The following CACNA1I variants were observed in gnomAD, a reference collection of about 807,000 sequenced individuals.
The protein encoded by CACNA1I is calcium voltage-gated channel subunit alpha1 I, also known as voltage-dependent T-type calcium channel subunit alpha-1I.
CACNA1I carries 74 observed loss-of-function variants against 201.6 expected under a neutral mutation model. The observed-to-expected ratio is 0.37, with a 90% CI of 0.30 to 0.45. CACNA1I has a LOEUF of 0.45. Ranked by LOEUF, CACNA1I falls within the 20% of genes least tolerant of loss-of-function variation. The pLI is 1.00. For missense variants in CACNA1I, 2,346 were observed against 3,138.1 expected, an observed-to-expected ratio of 0.75 and a Z score of 6.03; for synonymous variants, 1,431 against 1,345.2, an observed-to-expected ratio of 1.06 and a Z score of -1.40.
rs1269075111 is a variant in CACNA1I, at chr22:39,677,480, G to C, written c.4933+61G>C. 4.1e-6 allele frequency: 5 copies of C among 1,221,580 alleles called. No individual in the cohort carries two copies. The East Asian group carries it at 1.3e-4, about 32-fold the overall frequency. The allele number at this position is 1,221,580 out of a possible 1,614,324, so 75.7% of individuals were successfully genotyped here. ...GCAGCAGGGCTGCAGGAGGAACTGG[G>C]GGGGCGGGGGAGGCCTGAGACCCCT... is the stretch of plus-strand genomic sequence containing the variant. On this transcript the variant is annotated intron_variant, in intron 30 of 36. Coordinates refer to ENST00000402142, the MANE Select transcript of CACNA1I (RefSeq NM_021096.4). This position sits in a 1 kb window ranked among gnomAD's most constrained non-coding sequence, Gnocchi z 4.8.
chr22:39,676,828 C>G lies in CACNA1I; in HGVS notation c.4855-513C>G, dbSNP rs188224289. ...TTTCGTAGAGGAGCTAGTGTTAGAGCTGAGACCTCCTGCCTTCTCCCTTCC... is the reference window on the plus strand; with the variant it reads ...TTTCGTAGAGGAGCTAGTGTTAGAGGTGAGACCTCCTGCCTTCTCCCTTCC... On this transcript the variant is annotated intron_variant, in intron 29 of 36. Transcript: ENST00000402142. The surrounding 1 kb of genome is among the most constrained non-coding windows in gnomAD (Gnocchi z 4.8). 2.6e-5 allele frequency among the ~76,000 whole-genome samples: 4 copies of G among 152,350 alleles called. No individual in the cohort carries two copies. The highest frequency in any genetic ancestry group is 1.5e-5 in the Non-Finnish European group (1 of 68,036).
intron 4 of CACNA1I, among the ~76,000 whole-genome samples, chr22:39,622,691 G>A (rs1418438703): frequency 1.3e-5 from 2 of 151,730 alleles, no homozygotes; most frequent in Admixed American, 1.3e-4. Context: ...GGGCAGGGGT[G>A]GGGGTGGGAT....
rs773800583 is a variant in CACNA1I at position 39,665,667 on chromosome 22, G to C, written c.3978+43G>C. Reference sequence around the variant, plus strand: ...TGGGCAGGGACTGGGCTCTGTGACTGGGGAAAAGGAAGTCTCAGACAGCCA... The same window carrying C: ...TGGGCAGGGACTGGGCTCTGTGACTCGGGAAAAGGAAGTCTCAGACAGCCA... On this transcript the variant is annotated intron_variant, in intron 22 of 36. Transcript: ENST00000402142. The surrounding 1 kb of genome is among the most constrained non-coding windows in gnomAD (Gnocchi z 5.5). 6.2e-7 allele frequency: 1 copy of C among 1,601,022 alleles called. No homozygotes were observed. The highest frequency in any genetic ancestry group is 1.1e-5 in the South Asian group (1 of 90,448).
chr22:39,578,922 C>T (rs1005837492), intron 1 of CACNA1I, among the ~76,000 whole-genome samples: 1 of 152,182 alleles, frequency 6.6e-6, no homozygotes, highest in African/African-American at 2.4e-5. Flanking sequence ...CTGTGATGCC[C>T]TTCCCCATCG....
At chr22:39,635,744 G>C (rs375075812) in intron 5 of CACNA1I, among the ~76,000 whole-genome samples, 2 of 152,086 alleles carry the variant, frequency 1.3e-5, no homozygotes, top group Non-Finnish European at 1.5e-5. Context: ...CAGCTGCTTC[G>C]AAGTCAGGGT....
intron 4 of CACNA1I, among the ~76,000 whole-genome samples, chr22:39,628,226 G>A (rs775161528): frequency 1.3e-5 from 2 of 152,164 alleles, no homozygotes; most frequent in South Asian, 2.1e-4. Flanking sequence ...AAAATCCACC[G>A]GGGGTTCTCT....
chr22:39,574,835 G>A (rs889739110), intron 1 of CACNA1I, among the ~76,000 whole-genome samples: 7 of 152,230 alleles, frequency 4.6e-5, no homozygotes, highest in Non-Finnish European at 1.0e-4. Flanking sequence ...CCGGGAAGGG[G>A]AGGGCAGCAT....
At chr22:39,598,432 G>A (rs1021803242) in intron 2 of CACNA1I, among the ~76,000 whole-genome samples, 170 bp downstream of exon 2, 1 of 144,590 alleles carries the variant, frequency 6.9e-6, no homozygotes, top group Non-Finnish European at 1.5e-5. Context: ...AAGCGCTGCC[G>A]CACTCAGCCA....
In CACNA1I at chr22:39,679,791, G is replaced by A. The variant is rs766561997; in HGVS notation, c.5464G>A (p.Asp1822Asn). 4 of 1,612,844 alleles carry A rather than the reference G, an allele frequency of 2.5e-6. No individual in the cohort carries two copies. Among genetic ancestry groups the A allele is most frequent in the South Asian group, 1.1e-5 (1 of 90,888 alleles). The change falls in exon 33 of 37, where the codon GAC (aspartate) becomes AAC (asparagine). Residue 1822 changes from aspartate to asparagine, a missense_variant. This residue lies in a region of CACNA1I where 441 missense variants were observed against 555.6 expected (regional missense o/e 0.79). Transcript: ENST00000402142. ...DSLEGELTII[D>N]NLSGSIFHHY... ...CTTGGAGGGGGAGCTGACCATCATC[G>A]ACAACCTGTCGGGCTCCATCTTCCA...
chr22:39,618,364 C>T (rs115765935), intron 3 of CACNA1I, among the ~76,000 whole-genome samples: 12,606 of 141,142 alleles, frequency 0.089, 660 homozygotes, highest in African/African-American at 0.15. Context: ...TGGTTGTGTG[C>T]GTGTGTGACT....
At chr22:39,581,610 G>A (rs937038764) in intron 1 of CACNA1I, among the ~76,000 whole-genome samples, 5 of 152,156 alleles carry the variant, frequency 3.3e-5, no homozygotes, top group African/African-American at 4.8e-5. Context: ...CAAGCTGGCC[G>A]GCTGTTGAAG....
chr22:39,622,428 G>A (rs994337714), intron 4 of CACNA1I, among the ~76,000 whole-genome samples: 1 of 151,916 alleles, frequency 6.6e-6, no homozygotes, highest in Non-Finnish European at 1.5e-5. Flanking sequence ...TAAAGGGCTT[G>A]GGGAGGGAGC....
chr22:39,644,684 C>CT (rs879636992), intron 7 of CACNA1I, among the ~76,000 whole-genome samples: 487 of 144,626 alleles, frequency 3.4e-3, no homozygotes, highest in African/African-American at 7.5e-3. Flanking sequence ...AATTTTCTTT[C>CT]TTTTTTTTTT....
chr22:39,658,905 C>A (rs747902783), intron 11 of CACNA1I, 26 bp from the exon 12 acceptor site: 2 of 1,563,308 alleles, frequency 1.3e-6, no homozygotes, highest in Admixed American at 1.9e-5. Flanking sequence ...CTACCTGTAC[C>A]CTGGGCCTGC....
rs141548359 is a variant in CACNA1I, at chr22:39,680,011, G to A, written c.5541+143G>A. The stretch of plus-strand genomic sequence containing the variant: ...GGGCACACGTAGCTTCCATGGCTGG[G>A]GCAGATTGGCTCCCTGAGTCAGGGC... On this transcript the variant is annotated intron_variant, in intron 33 of 36. Transcript: ENST00000402142. 5.7e-4 allele frequency: 473 copies of A among 829,074 alleles called. 2 individuals carry two copies. In the African/African-American group the frequency reaches 7.4e-3, roughly 13 times the overall value. 51.4% of individuals were successfully genotyped at this position (829,074 alleles called of 1,614,324 possible). A position where few individuals can be genotyped will look rare whatever the true frequency, so the allele number is the denominator to read the frequency against.
chr22:39,643,933 A>T (rs1301877955), intron 7 of CACNA1I, among the ~76,000 whole-genome samples: 1 of 152,208 alleles, frequency 6.6e-6, no homozygotes, highest in African/African-American at 2.4e-5. Context: ...GTCCTCGAGG[A>T]GCTCACAGGC....
At chr22:39,672,396 C>A in intron 27 of CACNA1I, 88 bp downstream of exon 27, 2 of 874,098 alleles carry the variant, frequency 2.3e-6, no homozygotes, top group Non-Finnish European at 3.9e-6. Context: ...CTGGAGCAGC[C>A]TGAAGAGGGG....
In CACNA1I at chr22:39,597,667, G is replaced by A. The variant is rs535413085; in HGVS notation, c.237-484G>A. ...TGGCAGTGGGCAAGGAGAGAAGGAC[G>A]GGGCCATCCAGCCAATCTCAGCCCC... On this transcript the variant is annotated intron_variant, in intron 1 of 36. Coordinates refer to ENST00000402142, the MANE Select transcript of CACNA1I (RefSeq NM_021096.4). 1.5e-3 allele frequency among the ~76,000 whole-genome samples: 228 copies of A among 152,340 alleles called. 1 individual carries two copies. The highest frequency in any genetic ancestry group is 3.4e-3 in the Middle Eastern group (1 of 294).
chr22:39,645,435 G>A (rs947674218), intron 7 of CACNA1I, among the ~76,000 whole-genome samples: 5 of 152,306 alleles, frequency 3.3e-5, no homozygotes, highest in South Asian at 2.1e-4. Context: ...CCTGACAAGC[G>A]TGTGGTCCCA....
Sources: gnomAD v4.1 joint callset for allele counts (sites outside exome capture counted in the v4.1 genomes callset) on GRCh38, gnomAD v4.1.1 for gene constraint, gnomAD v4.1.1 regional missense constraint, Gnocchi (gnomAD v3.1) non-coding constraint, MANE v1.5 for transcripts, NCBI Gene and HGNC (gene_info 2026-07-23, HGNC 2026-07-21) for gene names.